The following PCDHGB2 variants were observed in gnomAD, a reference collection of about 807,000 sequenced individuals.
PCDHGB2 encodes protocadherin gamma subfamily B, 2, also known as protocadherin gamma-B2.
PCDHGB2 carries 55 observed loss-of-function variants against 59.3 expected under a neutral mutation model. That is an observed-to-expected ratio of 0.93 (90% CI 0.75 to 1.16). The LOEUF (loss-of-function observed/expected upper bound fraction) is 1.16, where lower values mean the gene tolerates loss of function less well. Ranked by LOEUF, PCDHGB2 falls within the 50% of genes most tolerant of loss-of-function variation. PCDHGB2 has a pLI of 0.00. For missense variants in PCDHGB2, 1,228 were observed against 1,198.5 expected, an observed-to-expected ratio of 1.02 and a Z score of -0.36; for synonymous variants, 516 against 512.0, an observed-to-expected ratio of 1.01 and a Z score of -0.11.
chr5:141,368,313 G>A (rs1765575616), intron 1 of PCDHGB2, among the ~76,000 whole-genome samples: 1 of 152,024 alleles, frequency 6.6e-6, no homozygotes, highest in South Asian at 2.1e-4. Flanking sequence ...CTGTTAAAGA[G>A]CATTCAAGTA....
chr5:141,390,300 T>A, intron 1 of PCDHGB2: 1 of 1,613,822 alleles, frequency 6.2e-7, no homozygotes, highest in Non-Finnish European at 8.5e-7. Flanking sequence ...CCTTTAAGTA[T>A]AATTTAATGC....
At chr5:141,388,889 CAT>C in intron 1 of PCDHGB2, 6 of 1,613,954 alleles carry the variant, frequency 3.7e-6, no homozygotes, top group Non-Finnish European at 5.1e-6. Flanking sequence ...AGGTAGAAGT[CAT>C]AGATGAAAAT....
chr5:141,407,924 C>T, intron 1 of PCDHGB2: 2 of 482,212 alleles, frequency 4.1e-6, no homozygotes, highest in Non-Finnish European at 3.6e-6. Flanking sequence ...CTGTCCCGCA[C>T]GGAGCCTCTG....
intron 1 of PCDHGB2, among the ~76,000 whole-genome samples, chr5:141,369,777 G>A (rs1766479058): frequency 1.3e-5 from 2 of 152,188 alleles, no homozygotes; most frequent in South Asian, 2.1e-4. Context: ...GATATTTCAA[G>A]CCTCTTTATA....
intron 1 of PCDHGB2, chr5:141,393,020 A>G: frequency 2.5e-6 from 4 of 1,613,760 alleles, no homozygotes; most frequent in Non-Finnish European, 3.4e-6. Flanking sequence ...TCGTCTCCAG[A>G]GGTAGGACGC....
intron 1 of PCDHGB2, chr5:141,415,738 A>G (rs2095905853): frequency 5.6e-6 from 3 of 538,228 alleles, no homozygotes; most frequent in South Asian, 3.9e-5. Context: ...ATGTTTATTA[A>G]GGTTTTTTTT....
chr5:141,495,069 T>G (rs1179878936), intron 2 of PCDHGB2, among the ~76,000 whole-genome samples: 1 of 152,142 alleles, frequency 6.6e-6, no homozygotes, highest in African/African-American at 2.4e-5. Flanking sequence ...GGAAGCTCAA[T>G]TCACATGCTT....
intron 1 of PCDHGB2, among the ~76,000 whole-genome samples, chr5:141,437,390 A>T (rs1422429346): frequency 6.6e-6 from 1 of 152,248 alleles, no homozygotes; most frequent in Non-Finnish European, 1.5e-5. Flanking sequence ...ACATTCATCC[A>T]CTGCTTTCAT....
At position 141,362,184 on chromosome 5, in the gene PCDHGB2, C is replaced by T. The variant is rs1252521454; in HGVS notation, c.2049C>T (p.Asp683=). 6.2e-7 allele frequency: 1 copy of T among 1,614,058 alleles called. No individual in the cohort carries two copies. Among genetic ancestry groups the T allele is most frequent in the Admixed American group, 1.7e-5 (1 of 60,032 alleles). ...PDLSDRREPS[D]PQAKLQFYLV... is the part of the protein sequence containing the mutation. ...TCAGCGACCGCCGGGAGCCCTCTGA[C>T]CCCCAGGCAAAACTGCAGTTTTACC... is the stretch of plus-strand genomic sequence containing the variant. The change falls in exon 1 of 4, where the codon GAC becomes GAT. Residue 683 remains aspartate, a synonymous_variant. Transcript: ENST00000522605.
Position 141,486,552 on chromosome 5 carries a change from A to G in PCDHGB2, c.2422-8255A>G. On this transcript the variant is annotated intron_variant, in intron 1 of 3. Coordinates refer to ENST00000522605, the MANE Select transcript of PCDHGB2 (RefSeq NM_018923.3). This position sits in a 1 kb window ranked among gnomAD's most constrained non-coding sequence, Gnocchi z 5.0. ...CCACCCTCTTTCTTTCAGAGGTCAC[A>G]TGAGGTGTTTGTTCCTGAGAACAAT... is the stretch of plus-strand genomic sequence containing the variant. 1 of 1,614,136 alleles carries G rather than the reference A, an allele frequency of 6.2e-7. No homozygotes were observed. The highest frequency in any genetic ancestry group is 2.2e-5 in the East Asian group (1 of 44,882).
In PCDHGB2 at chr5:141,491,729, C is replaced by T. The variant is rs766649819; in HGVS notation, c.2422-3078C>T. On this transcript the variant is annotated intron_variant, in intron 1 of 3. Coordinates refer to ENST00000522605, the MANE Select transcript of PCDHGB2 (RefSeq NM_018923.3). This position sits in a 1 kb window ranked among gnomAD's most constrained non-coding sequence, Gnocchi z 6.9. ...AGGGGCTCGGCGCCGCCCCGGGCGA[C>T]CCCTGGGGGCGGCACTGGAGAAGCC... 6.1e-5 allele frequency: 98 copies of T among 1,603,832 alleles called. No homozygotes were observed. Among genetic ancestry groups the T allele is most frequent in the Non-Finnish European group, 7.9e-5 (93 of 1,175,848 alleles).
chr5:141,394,006 TAGGTA>T, intron 1 of PCDHGB2: 3 of 1,613,358 alleles, frequency 1.9e-6, no homozygotes, highest in Admixed American at 3.3e-5. Flanking sequence ...GAAAAGTCAA[TAGGTA>T]ATTATTATAG....
Position 141,431,859 on chromosome 5 carries a change from C to T in PCDHGB2, c.2422-62948C>T. ...AACTCTCCCAGAGGGACATTAATTG[C>T]CCTTTTAAATGTAAATGACCAAGAT... On this transcript the variant is annotated intron_variant, in intron 1 of 3. Coordinates refer to ENST00000522605, the MANE Select transcript of PCDHGB2 (RefSeq NM_018923.3). The surrounding 1 kb of genome is among the most constrained non-coding windows in gnomAD (Gnocchi z 4.8). 3.1e-6 allele frequency: 5 copies of T among 1,614,178 alleles called. No homozygotes were observed. The highest frequency in any genetic ancestry group is 4.2e-6 in the Non-Finnish European group (5 of 1,180,008).
At position 141,432,952 on chromosome 5, in the gene PCDHGB2, C is replaced by G. The variant is rs2097553312; in HGVS notation, c.2422-61855C>G. ...GCCTGCTGCAGGCTTCAGGAGGCGGCTTGACAGGAGCGCCGGCGTCGCACT... is the reference window on the plus strand; with the variant it reads ...GCCTGCTGCAGGCTTCAGGAGGCGGGTTGACAGGAGCGCCGGCGTCGCACT... On this transcript the variant is annotated intron_variant, in intron 1 of 3. Transcript: ENST00000522605. The surrounding 1 kb of genome is among the most constrained non-coding windows in gnomAD (Gnocchi z 6.0). 1 of 1,614,086 alleles carries G rather than the reference C, an allele frequency of 6.2e-7. No individual in the cohort carries two copies. Among genetic ancestry groups the G allele is most frequent in the South Asian group, 1.1e-5 (1 of 91,090 alleles).
chr5:141,422,968 C>T lies in PCDHGB2; in HGVS notation c.2421+60412C>T. 6.2e-7 allele frequency: 1 copy of T among 1,614,240 alleles called. No homozygotes were observed. Among genetic ancestry groups the T allele is most frequent in the South Asian group, 1.1e-5 (1 of 91,086 alleles). On this transcript the variant is annotated intron_variant, in intron 1 of 3. Coordinates refer to ENST00000522605, the MANE Select transcript of PCDHGB2 (RefSeq NM_018923.3). ...CTCCACTGGCGTGGAGCTGGCGCCC[C>T]GCTCTGCGGAACCTGGCTACCTGGT...
intron 1 of PCDHGB2, chr5:141,427,514 G>A (rs1193674497): frequency 1.7e-6 from 1 of 595,712 alleles, no homozygotes; most frequent in Non-Finnish European, 3.2e-6. Context: ...CCCTGGATTG[G>A]GAGCGGATCC....
chr5:141,409,849 C>A (rs772503820), intron 1 of PCDHGB2: 1 of 1,612,106 alleles, frequency 6.2e-7, no homozygotes, highest in South Asian at 1.1e-5. Context: ...TGAGCCTGCG[C>A]GTGTTGGTGG....
intron 1 of PCDHGB2, chr5:141,422,554 G>A (rs753985751): frequency 1.2e-5 from 19 of 1,613,870 alleles, no homozygotes; most frequent in Non-Finnish European, 1.6e-5. Flanking sequence ...CTGGCTGAAT[G>A]TGGCAGATGA....
At chr5:141,510,518 G>A (rs904482737) in intron 3 of PCDHGB2, among the ~76,000 whole-genome samples, 9 of 152,112 alleles carry the variant, frequency 5.9e-5, no homozygotes, top group Non-Finnish European at 1.0e-4. Flanking sequence ...CCGTGTCACA[G>A]CCCTGAGAGA....
Sources: allele counts gnomAD v4.1 joint callset (sites outside exome capture counted in the v4.1 genomes callset), GRCh38; gene constraint gnomAD v4.1.1; non-coding constraint Gnocchi (gnomAD v3.1); transcripts MANE v1.5; gene names NCBI Gene and HGNC (gene_info 2026-07-23, HGNC 2026-07-21).